FGF12: variants seen among roughly 807,000 people sequenced by gnomAD.
FGF12 encodes fibroblast growth factor 12B.
FGF12 carries 14 observed loss-of-function variants against 23.6 expected under a neutral mutation model. The ratio of observed to expected loss-of-function variants is 0.59; its 90% CI spans 0.39 to 0.93. The LOEUF (loss-of-function observed/expected upper bound fraction) is 0.93, where lower values mean the gene tolerates loss of function less well. FGF12 is among the 40% of genes least tolerant of loss of function. The pLI is 0.00. For missense variants in FGF12, 175 were observed against 217.8 expected, an observed-to-expected ratio of 0.80 and a Z score of 1.24; for synonymous variants, 62 against 77.3, an observed-to-expected ratio of 0.80 and a Z score of 1.04.
intron 3 of FGF12, among the ~76,000 whole-genome samples, chr3:192,339,448 T>G (rs752725459): frequency 6.6e-6 from 1 of 152,170 alleles, no homozygotes; most frequent in Non-Finnish European, 1.5e-5. Flanking sequence ...CTGTCTCCAA[T>G]GTCCTTTACA....
At chr3:192,458,724 G>A (rs190355184) in intron 2 of FGF12, among the ~76,000 whole-genome samples, 81 of 152,266 alleles carry the variant, frequency 5.3e-4, no homozygotes, top group African/African-American at 1.9e-3. Context: ...GCTGAAATGA[G>A]TTAAGACTTT....
chr3:192,700,748 G>A (rs147444813), intron 2 of FGF12, among the ~76,000 whole-genome samples: 85 of 152,102 alleles, frequency 5.6e-4, no homozygotes, highest in African/African-American at 1.9e-3. Context: ...GAGGGGGGTC[G>A]GACATGCCTC....
At chr3:192,372,961 T>C (rs756097472) in intron 2 of FGF12, among the ~76,000 whole-genome samples, 2 of 152,196 alleles carry the variant, frequency 1.3e-5, no homozygotes, top group Non-Finnish European at 2.9e-5. Context: ...TGTACCTGCA[T>C]TTCCCTCTGC....
chr3:192,368,095 C>T (rs571560756), intron 2 of FGF12, among the ~76,000 whole-genome samples: 23 of 152,014 alleles, frequency 1.5e-4, no homozygotes, highest in Non-Finnish European at 3.2e-4. Flanking sequence ...CTCTCCCCCA[C>T]CTCCCTCCCC....
intron 5 of FGF12, among the ~76,000 whole-genome samples, chr3:192,164,033 T>C (rs953630685): frequency 6.6e-6 from 1 of 150,864 alleles, no homozygotes; most frequent in Admixed American, 6.6e-5. Context: ...GTACACAGAC[T>C]TTTTTTTTCA....
At chr3:192,402,716 CA>C (rs1720813708) in intron 2 of FGF12, among the ~76,000 whole-genome samples, 2 of 152,008 alleles carry the variant, frequency 1.3e-5, no homozygotes, top group African/African-American at 4.8e-5. Flanking sequence ...GTAAAAGAAG[CA>C]AAAATTATAA....
chr3:192,610,848 G>T (rs561497113), intron 2 of FGF12, among the ~76,000 whole-genome samples: 1 of 151,976 alleles, frequency 6.6e-6, no homozygotes, highest in South Asian at 2.1e-4. Context: ...CCTGGAGAAC[G>T]TTGTCACCCA....
At chr3:192,311,633 T>C (rs1715943631) in intron 4 of FGF12, among the ~76,000 whole-genome samples, 1 of 152,182 alleles carries the variant, frequency 6.6e-6, no homozygotes, top group Admixed American at 6.5e-5. Context: ...TGTGTAGACA[T>C]ATATTGCAAA....
At chr3:192,428,082 A>G (rs1310521777) in intron 2 of FGF12, among the ~76,000 whole-genome samples, 2 of 152,174 alleles carry the variant, frequency 1.3e-5, no homozygotes, top group Non-Finnish European at 2.9e-5. Flanking sequence ...CAAGCCCTTC[A>G]AGATCTTTCT....
At chr3:192,546,212 TAGATA>T (rs1725490309) in intron 2 of FGF12, among the ~76,000 whole-genome samples, 1 of 152,114 alleles carries the variant, frequency 6.6e-6, no homozygotes, top group Admixed American at 6.5e-5. Context: ...CCTCTAAATA[TAGATA>T]AGAATGCCTC....
chr3:192,562,676 C>G (rs1712097460), intron 2 of FGF12, among the ~76,000 whole-genome samples: 1 of 151,202 alleles, frequency 6.6e-6, no homozygotes, highest in Non-Finnish European at 1.5e-5. Flanking sequence ...ATTATGGCAA[C>G]TAGTATGGAA....
At chr3:192,569,116 T>C (rs1712476082) in intron 2 of FGF12, among the ~76,000 whole-genome samples, 1 of 152,158 alleles carries the variant, frequency 6.6e-6, no homozygotes, top group African/African-American at 2.4e-5. Context: ...CGATGAAAGG[T>C]AGAAAAAAAA....
intron 2 of FGF12, among the ~76,000 whole-genome samples, chr3:192,368,939 TC>T (rs1719105390): frequency 2.0e-5 from 3 of 152,172 alleles, no homozygotes; most frequent in African/African-American, 7.2e-5. Context: ...CCAGGGGTCC[TC>T]CAGAGCCTTC....
At chr3:192,410,442 G>A (rs1266052136) in intron 2 of FGF12, among the ~76,000 whole-genome samples, 1 of 152,178 alleles carries the variant, frequency 6.6e-6, no homozygotes, top group Non-Finnish European at 1.5e-5. Context: ...ACCACAGTGG[G>A]AGTTAAAGGA....
At chr3:192,626,071 A>C (rs1715156596) in intron 2 of FGF12, among the ~76,000 whole-genome samples, 1 of 152,166 alleles carries the variant, frequency 6.6e-6, no homozygotes, top group Non-Finnish European at 1.5e-5. Context: ...AAAGTCTACA[A>C]AATTTTCTCA....
chr3:192,167,153 A>G (rs1271480042), intron 5 of FGF12, among the ~76,000 whole-genome samples: 1 of 129,658 alleles, frequency 7.7e-6, no homozygotes. Flanking sequence ...TTTATTTGGT[A>G]TATGGCTATC....
chr3:192,565,348 T>C (rs1560152093), intron 2 of FGF12, among the ~76,000 whole-genome samples: 1 of 152,238 alleles, frequency 6.6e-6, no homozygotes, highest in African/African-American at 2.4e-5. Flanking sequence ...TAGCAAATAT[T>C]AGTTGAACAC....
intron 2 of FGF12, among the ~76,000 whole-genome samples, chr3:192,507,334 TACACACACACACACACACACACACAC>T (rs35433581): frequency 6.9e-6 from 1 of 144,624 alleles, no homozygotes; most frequent in Non-Finnish European, 1.5e-5. Flanking sequence ...TTTGACCAAA[TACACACACACACACACACACACACAC>T]ACACACACAC....
At chr3:192,451,017 G>C (rs567902457) in intron 2 of FGF12, among the ~76,000 whole-genome samples, 13 of 152,144 alleles carry the variant, frequency 8.5e-5, no homozygotes, top group Non-Finnish European at 1.9e-4. Flanking sequence ...AACACTGGAA[G>C]CCTCATAGAA....
Sources: allele counts gnomAD v4.1 joint callset (sites outside exome capture counted in the v4.1 genomes callset), GRCh38; gene constraint gnomAD v4.1.1; transcripts MANE v1.5; gene names NCBI Gene and HGNC (gene_info 2026-07-23, HGNC 2026-07-21).